Variants in SOCS2 observed in about 807,000 individuals in gnomAD.
The protein encoded by SOCS2 is suppressor of cytokine signaling 2, also known as CIS-2.
Under a neutral mutation model 18.6 loss-of-function variants are expected in SOCS2, and 10 were observed. The ratio of observed to expected loss-of-function variants is 0.54; its 90% CI spans 0.33 to 0.91. The LOEUF (loss-of-function observed/expected upper bound fraction) is 0.91, where lower values mean the gene tolerates loss of function less well. Ranked by LOEUF, SOCS2 falls within the 40% of genes least tolerant of loss-of-function variation. The pLI is 0.02. For missense variants in SOCS2, 231 were observed against 247.2 expected (o/e 0.93, Z 0.44); for synonymous variants, 104 against 104.0 (o/e 1.00, Z 0.00).
At chr12:93,615,189 G>A in the SOCS2 span, among the ~76,000 whole-genome samples, 1 of 152,290 alleles carries the variant, frequency 6.6e-6, no homozygotes, top group African/African-American at 2.4e-5. Flanking sequence ...GTTCATCAGT[G>A]ATCTACTTGT....
downstream of SOCS2, among the ~76,000 whole-genome samples, chr12:93,581,079 G>C (rs116070095): frequency 6.6e-6 from 1 of 152,206 alleles, no homozygotes; most frequent in Non-Finnish European, 1.5e-5. Context: ...AATATCAAGA[G>C]AGAAAAGTAA....
chr12:93,587,115 C>T (rs1009295422), downstream of SOCS2, among the ~76,000 whole-genome samples: 3 of 152,142 alleles, frequency 2.0e-5, no homozygotes, highest in African/African-American at 7.2e-5. Context: ...TTGCAGTGTG[C>T]TGAGATGGCA....
At chr12:93,606,762 C>G in the SOCS2 span, among the ~76,000 whole-genome samples, 1 of 152,124 alleles carries the variant, frequency 6.6e-6, no homozygotes, top group Non-Finnish European at 1.5e-5. Context: ...AAGTGATCCT[C>G]CTGCCTCAGC....
chr12:93,615,982 T>C, the SOCS2 span, among the ~76,000 whole-genome samples: 4 of 152,222 alleles, frequency 2.6e-5, no homozygotes, highest in African/African-American at 9.7e-5. Context: ...GGTGGAAAGA[T>C]TTGTCCAAGC....
At chr12:93,603,373 A>AAGGTT in the SOCS2 span, among the ~76,000 whole-genome samples, 5 of 152,318 alleles carry the variant, frequency 3.3e-5, no homozygotes, top group Admixed American at 2.0e-4. Context: ...AAGACTCAAA[A>AAGGTT]AGGTTAGGCC....
At chr12:93,617,821 T>A in the SOCS2 span, among the ~76,000 whole-genome samples, 3 of 152,104 alleles carry the variant, frequency 2.0e-5, no homozygotes, top group Non-Finnish European at 4.4e-5. Flanking sequence ...TCTCTCCACT[T>A]CCACTGCCAT....
At chr12:93,591,640 A>G in the SOCS2 span, among the ~76,000 whole-genome samples, 1 of 152,158 alleles carries the variant, frequency 6.6e-6, no homozygotes, top group Non-Finnish European at 1.5e-5. Context: ...GCGGAGCCCC[A>G]CGGAGCTGTG....
chr12:93,610,179 A>G, the SOCS2 span, among the ~76,000 whole-genome samples: 3 of 152,164 alleles, frequency 2.0e-5, no homozygotes, highest in African/African-American at 7.2e-5. Flanking sequence ...ATCCACACAT[A>G]TGTTACAACA....
At chr12:93,612,118 G>C in the SOCS2 span, among the ~76,000 whole-genome samples, 1 of 152,064 alleles carries the variant, frequency 6.6e-6, no homozygotes, top group African/African-American at 2.4e-5. Flanking sequence ...TACTTCATGG[G>C]GTTGGAAGCA....
downstream of SOCS2, among the ~76,000 whole-genome samples, chr12:93,587,092 C>T (rs181308881): frequency 2.0e-3 from 311 of 152,098 alleles, 4 homozygotes; most frequent in African/African-American, 7.3e-3. Context: ...CACTTGAACC[C>T]GGGAGGCAGA....
At position 93,573,189 on chromosome 12, in the gene SOCS2, G is replaced by C. The variant is rs1367865664; in HGVS notation, c.139+153G>C. On this transcript the variant is annotated intron_variant, in intron 1 of 1. Coordinates refer to ENST00000551556, the MANE Select transcript of SOCS2 (RefSeq NM_001270471.2). ...GGAGAGCACGCTCGCAGGGTCCTGGGTCCTTGGGAATGCGTAAGGAAAGTG... is the reference window on the plus strand; with the variant it reads ...GGAGAGCACGCTCGCAGGGTCCTGGCTCCTTGGGAATGCGTAAGGAAAGTG... The C allele has an allele frequency of 8.9e-6, 9 of 1,010,316 alleles. No individual in the cohort carries two copies. The East Asian group carries it at 2.4e-4, about 27-fold the overall frequency. The allele number at this position is 1,010,316 out of a possible 1,614,324, so 62.6% of individuals were successfully genotyped here. A position where few individuals can be genotyped will look rare whatever the true frequency, so the allele number is the denominator to read the frequency against.
chr12:93,589,407 A>T, the SOCS2 span, among the ~76,000 whole-genome samples: 3 of 152,160 alleles, frequency 2.0e-5, no homozygotes, highest in African/African-American at 4.8e-5. Context: ...AATAATACAA[A>T]ATGTGCAAAT....
the SOCS2 span, among the ~76,000 whole-genome samples, chr12:93,605,131 A>G: frequency 6.6e-6 from 1 of 152,176 alleles, no homozygotes; most frequent in Non-Finnish European, 1.5e-5. Context: ...AATTGTGTTT[A>G]TAATGTATTT....
At chr12:93,625,987 G>T in the SOCS2 span, among the ~76,000 whole-genome samples, 9 of 151,970 alleles carry the variant, frequency 5.9e-5, no homozygotes, top group Non-Finnish European at 7.4e-5. Flanking sequence ...GTAACCATGA[G>T]AAAAAGGCCT....
the SOCS2 span, among the ~76,000 whole-genome samples, chr12:93,623,694 T>C: frequency 6.6e-6 from 1 of 152,164 alleles, no homozygotes; most frequent in Non-Finnish European, 1.5e-5. Flanking sequence ...AATTCACAAG[T>C]TGACATTTAA....
the SOCS2 span, among the ~76,000 whole-genome samples, chr12:93,598,333 G>T: frequency 6.6e-6 from 1 of 152,088 alleles, no homozygotes; most frequent in Non-Finnish European, 1.5e-5. Context: ...AGGGGTAGAA[G>T]GTGAAGGTGG....
upstream of SOCS2, chr12:93,570,019 A>C (rs1954190632): frequency 6.6e-6 from 1 of 152,156 alleles, no homozygotes. Flanking sequence ...CAAGGAGATG[A>C]GTTTCCACTA....
chr12:93,608,872 GT>G, the SOCS2 span, among the ~76,000 whole-genome samples: 3 of 152,154 alleles, frequency 2.0e-5, no homozygotes, highest in East Asian at 5.8e-4. Context: ...CTTAATTGGT[GT>G]TCCTTTAAGC....
At chr12:93,606,850 G>GC in the SOCS2 span, among the ~76,000 whole-genome samples, 1 of 152,056 alleles carries the variant, frequency 6.6e-6, no homozygotes, top group Non-Finnish European at 1.5e-5. Context: ...ATGGGGCTTT[G>GC]CCATGTTGGT....
Sources: gnomAD v4.1 joint callset for allele counts (sites outside exome capture counted in the v4.1 genomes callset) on GRCh38, gnomAD v4.1.1 for gene constraint, MANE v1.5 for transcripts, NCBI Gene and HGNC (gene_info 2026-07-23, HGNC 2026-07-21) for gene names.